The following ALDH1A3 variants were observed in gnomAD, a reference collection of about 807,000 sequenced individuals.
ALDH1A3 encodes the protein aldehyde dehydrogenase 1 family member A3, also known as retinaldehyde dehydrogenase 3.
In ALDH1A3, 28 loss-of-function variants were observed where a neutral mutation model predicts 57.5. That is an observed-to-expected ratio of 0.49 (90% CI 0.36 to 0.67). ALDH1A3 has a LOEUF of 0.67. ALDH1A3 is among the 30% of genes least tolerant of loss of function. The pLI, the probability that ALDH1A3 is intolerant of heterozygous loss-of-function variation, is 0.00. For synonymous variants in ALDH1A3, 281 were observed against 264.8 expected, an observed-to-expected ratio of 1.06 and a Z score of -0.59; for missense variants, 507 against 669.4, an observed-to-expected ratio of 0.76 and a Z score of 2.68.
chr15:100,887,499 C>T lies in ALDH1A3; in HGVS notation c.205-73C>T, dbSNP rs889887862. 41 of 1,449,472 alleles carry T rather than the reference C, an allele frequency of 2.8e-5. 1 individual carries two copies. Among genetic ancestry groups the T allele is most frequent in the Admixed American group, 2.5e-4 (10 of 40,584 alleles). 89.8% of individuals were successfully genotyped at this position (1,449,472 alleles called of 1,614,324 possible). ...AAAGATGACACCCAAACTTCAGTCA[C>T]GTCAAAAGATGACACCCAAACTGCA... On this transcript the variant is annotated intron_variant, in intron 2 of 12. Coordinates refer to ENST00000329841, the MANE Select transcript of ALDH1A3 (RefSeq NM_000693.4). This position sits in a 1 kb window ranked among gnomAD's most constrained non-coding sequence, Gnocchi z 4.6.
chr15:100,896,880 CGTAGAG>C, intron 7 of ALDH1A3, among the ~76,000 whole-genome samples: 1 of 152,220 alleles, frequency 6.6e-6, no homozygotes, highest in Non-Finnish European at 1.5e-5. Context: ...TTTTCCCATT[CGTAGAG>C]GTGTGTGCTT....
At position 100,893,142 on chromosome 15, in the gene ALDH1A3, C is replaced by A; in HGVS notation, c.537+136C>A. 1 of 745,018 alleles carries A rather than the reference C, an allele frequency of 1.3e-6. No individual in the cohort carries two copies. Among genetic ancestry groups the A allele is most frequent in the Non-Finnish European group, 2.1e-6 (1 of 468,800 alleles). The allele number at this position is 745,018 out of a possible 1,614,324, so 46.2% of individuals were successfully genotyped here. ...CAAGCATTTTCTTCGTGGCATGGAA[C>A]TCCATGCTTGGGGGCTCTTGAGATG... On this transcript the variant is annotated intron_variant, in intron 5 of 12. Transcript: ENST00000329841. The surrounding 1 kb of genome is among the most constrained non-coding windows in gnomAD (Gnocchi z 4.8).
In ALDH1A3 at chr15:100,887,659, C is replaced by G; in HGVS notation, c.292C>G (p.Arg98Gly). 1 of 1,610,874 alleles carries G rather than the reference C, an allele frequency of 6.2e-7. No individual in the cohort carries two copies. The highest frequency in any genetic ancestry group is 1.7e-5 in the Admixed American group (1 of 59,670). The change falls in exon 3 of 13, where the codon CGG becomes GGG. Residue 98 changes from arginine to glycine, a missense_variant. This residue lies in a region of ALDH1A3 where 432 missense variants were observed against 608.4 expected (regional missense o/e 0.71). Transcript: ENST00000329841. This position sits in a 1 kb window ranked among gnomAD's most constrained non-coding sequence, Gnocchi z 4.6. ...WRRLDALSRG[R>G]LLHQLADLVE... ...CCGGCTGGATGCCCTGAGTCGTGGGCGGCTGCTGCACCAGCTGGCTGACCT... is the reference window on the plus strand; with the variant it reads ...CCGGCTGGATGCCCTGAGTCGTGGGGGGCTGCTGCACCAGCTGGCTGACCT...
chr15:100,886,882 A>G (rs1306182307), intron 2 of ALDH1A3, among the ~76,000 whole-genome samples: 1 of 152,144 alleles, frequency 6.6e-6, no homozygotes, highest in Non-Finnish European at 1.5e-5. Flanking sequence ...TCCAGAAAGG[A>G]AGGAATTTCC....
Position 100,885,424 on chromosome 15 carries a change from G to T in ALDH1A3, c.204+53G>T. 4 of 1,367,610 alleles carry T rather than the reference G, an allele frequency of 2.9e-6. No homozygotes were observed. In the South Asian group the frequency reaches 4.7e-5, roughly 16 times the overall value. The allele number at this position is 1,367,610 out of a possible 1,614,324, so 84.7% of individuals were successfully genotyped here. ...AGTAATTCAATTATGGATGACCAAA[G>T]GATAAGGAAACGGTTCGGCTTAGCT... On this transcript the variant is annotated intron_variant, in intron 2 of 12. Transcript: ENST00000329841.
intron 8 of ALDH1A3, among the ~76,000 whole-genome samples, chr15:100,898,462 G>C (rs549667812): frequency 6.6e-6 from 1 of 152,340 alleles, no homozygotes; most frequent in South Asian, 2.1e-4. Context: ...GCGCCTTAGC[G>C]TTAAGTTTAC....
In ALDH1A3 at chr15:100,892,560, C is replaced by T. The variant is rs767890865; in HGVS notation, c.396C>T (p.Ile132=). 1.9e-5 allele frequency: 31 copies of T among 1,612,660 alleles called. No homozygotes were observed. Among genetic ancestry groups the T allele is most frequent in the Admixed American group, 5.0e-5 (3 of 59,692 alleles). ...TGKPFLHAFF[I]DLEGCIRTLR... is the part of the protein sequence containing the mutation. ...AGCCATTTCTTCATGCTTTTTTCAT[C>T]GACCTGGAGGGCTGTATTAGAACCC... is the stretch of plus-strand genomic sequence containing the variant. Residue 132 remains isoleucine, a synonymous_variant, in exon 4 of 13, where the codon ATC becomes ATT. Coordinates refer to ENST00000329841, the MANE Select transcript of ALDH1A3 (RefSeq NM_000693.4).
intron 6 of ALDH1A3, 109 bp from the exon 7 acceptor site, chr15:100,895,824 C>G: frequency 1.0e-6 from 1 of 961,902 alleles, no homozygotes; most frequent in African/African-American, 1.6e-5. Flanking sequence ...CCAGCCCGGC[C>G]CGGGTTCCCT....
intron 12 of ALDH1A3, among the ~76,000 whole-genome samples, chr15:100,911,212 C>A (rs1024704822): frequency 3.3e-5 from 5 of 152,300 alleles, no homozygotes; most frequent in African/African-American, 9.6e-5. Context: ...GCAAGAAGTT[C>A]CCCTTTTTTA....
At position 100,907,276 on chromosome 15, in the gene ALDH1A3, C is replaced by G; in HGVS notation, c.1389C>G (p.Val463=). ...CTTCTGCCTTAGAGTCTGGAACGGT[C>G]TGGTGAGTTGACTGTGTGTGTATTT... The part of the protein sequence containing the change: ...KLASALESGT[V]WINCYNALYA... The change falls in exon 11 of 13, where the codon GTC becomes GTG. Residue 463 remains valine (V), a splice_region_variant and synonymous_variant. Transcript: ENST00000329841. 9.3e-6 allele frequency: 15 copies of G among 1,613,740 alleles called. No homozygotes were observed. The highest frequency in any genetic ancestry group is 1.3e-5 in the Non-Finnish European group (15 of 1,179,894).
intron 2 of ALDH1A3, among the ~76,000 whole-genome samples, chr15:100,886,925 T>C (rs759202251): frequency 1.3e-5 from 2 of 152,192 alleles, no homozygotes; most frequent in Non-Finnish European, 2.9e-5. Context: ...AGTTCCCAGC[T>C]GGGATCAAAT....
rs116396983 is a variant in ALDH1A3, at chr15:100,900,773, T to C, written c.1068+14T>C. The C allele has an allele frequency of 8.6e-4, 1,390 of 1,612,778 alleles. 12 individuals carry two copies. In the African/African-American group the frequency reaches 0.016, roughly 18 times the overall value. ...CAGGGGCCTCAGGTAATCCCCCTGGTGTGTGTGAAACCATGGTGCTTGTCT... is the reference window on the plus strand; with the variant it reads ...CAGGGGCCTCAGGTAATCCCCCTGGCGTGTGTGAAACCATGGTGCTTGTCT... On this transcript the variant is annotated intron_variant, in intron 9 of 12. Transcript: ENST00000329841.
At chr15:100,909,112 G>A (rs887264758) in intron 12 of ALDH1A3, among the ~76,000 whole-genome samples, 11 of 136,472 alleles carry the variant, frequency 8.1e-5, no homozygotes, top group African/African-American at 2.8e-4. Flanking sequence ...CCCTCCGTGC[G>A]TGTGCAAACC....
At position 100,885,290 on chromosome 15, in the gene ALDH1A3, C is replaced by G. The variant is rs2229182; in HGVS notation, c.123C>G (p.His41Gln). ...AGATATTTATCAACAATGAATGGCA[C>G]GAATCCAAGAGTGGGAAAAAGTTTG... The part of the protein sequence containing the change: ...FTKIFINNEW[H>Q]ESKSGKKFAT... Residue 41 changes from histidine (H) to glutamine (Q), a missense_variant, in exon 2 of 13, where the codon CAC (histidine) becomes CAG (glutamine). By Grantham distance (24) the His-to-Gln change is conservative. Transcript: ENST00000329841. The G allele has an allele frequency of 2.0e-4, 322 of 1,613,388 alleles. No individual in the cohort carries two copies. In the African/African-American group the frequency reaches 3.9e-3, roughly 20 times the overall value.
intron 3 of ALDH1A3, 100 bp from the exon 4 acceptor site, chr15:100,892,410 C>T: frequency 1.3e-6 from 2 of 1,542,192 alleles, no homozygotes; most frequent in East Asian, 2.3e-5. Context: ...AGAGCAATGT[C>T]CTAGGACTGT....
intron 1 of ALDH1A3, 69 bp from the exon 2 acceptor site, chr15:100,885,198 G>A: frequency 9.0e-7 from 1 of 1,112,104 alleles, no homozygotes; most frequent in Non-Finnish European, 1.4e-6. Context: ...GTCACCTAAG[G>A]TCCTTAGCAT....
intron 8 of ALDH1A3, among the ~76,000 whole-genome samples, chr15:100,899,911 T>A (rs2041749149): frequency 6.6e-6 from 1 of 152,220 alleles, no homozygotes; most frequent in South Asian, 2.1e-4. Context: ...AAAGCAATAG[T>A]GCGGGGGTTG....
chr15:100,895,110 A>G (rs770618971), intron 6 of ALDH1A3: 1 of 152,184 alleles, frequency 6.6e-6, no homozygotes, highest in Non-Finnish European at 1.5e-5. Context: ...TTGAACAAGC[A>G]AAGAACTTTA....
At chr15:100,884,722 T>C (rs950774715) in intron 1 of ALDH1A3, among the ~76,000 whole-genome samples, 41 of 152,220 alleles carry the variant, frequency 2.7e-4, no homozygotes, top group African/African-American at 9.6e-4. Flanking sequence ...GACATGCTGA[T>C]GTGCATTGGT....
Sources: gnomAD v4.1 joint callset for allele counts (sites outside exome capture counted in the v4.1 genomes callset) on GRCh38, gnomAD v4.1.1 for gene constraint, gnomAD v4.1.1 regional missense constraint, Gnocchi (gnomAD v3.1) non-coding constraint, MANE v1.5 for transcripts, NCBI Gene and HGNC (gene_info 2026-07-23, HGNC 2026-07-21) for gene names.